The following BMP7 variants were observed in gnomAD, a reference collection of about 807,000 sequenced individuals.
BMP7 encodes the protein osteogenic protein 1.
Under a neutral mutation model 41.2 loss-of-function variants are expected in BMP7, and 12 were observed. The ratio of observed to expected loss-of-function variants is 0.29; its 90% CI spans 0.19 to 0.47. The LOEUF (loss-of-function observed/expected upper bound fraction) is 0.47, where lower values mean the gene tolerates loss of function less well. BMP7 is among the 20% of genes least tolerant of loss of function. The probability of loss-of-function intolerance (pLI) is 0.99; values close to 1 mark genes in which losing one functional copy is unlikely to be tolerated. For synonymous variants in BMP7, 248 were observed against 250.0 expected (o/e 0.99, Z 0.07); for missense variants, 467 against 606.0 (o/e 0.77, Z 2.41).
intron 4 of BMP7, among the ~76,000 whole-genome samples, chr20:57,182,272 C>T (rs976206173): frequency 5.9e-5 from 9 of 152,182 alleles, no homozygotes; most frequent in South Asian, 2.1e-4. Context: ...CAGATGCCCA[C>T]AGTGCCAGCA....
In BMP7 at chr20:57,265,748, AT is replaced by A. The variant is rs1339233677; in HGVS notation, c.374del (p.His125LeufsTer10). 6.2e-7 allele frequency: 1 copy of A among 1,610,752 alleles called. No individual in the cohort carries two copies. The highest frequency in any genetic ancestry group is 2.2e-5 in the East Asian group (1 of 44,764). On this transcript the variant is annotated frameshift_variant, in exon 1 of 7. Coordinates refer to ENST00000395863, the MANE Select transcript of BMP7 (RefSeq NM_001719.3). LOFTEE classifies it high-confidence loss of function. ...GPPLASLQDS[H>X]FLTDADMVMS... ...TGACCATGTCGGCGTCGGTGAGGAA[AT>A]GGCTATCTTGCAGGCTGGCCAGAGG...
chr20:57,203,600 A>G (rs1984671521), intron 2 of BMP7, among the ~76,000 whole-genome samples: 2 of 152,194 alleles, frequency 1.3e-5, no homozygotes, highest in African/African-American at 4.8e-5. Flanking sequence ...AGGGTAAATA[A>G]GTGGATTGTT....
intron 4 of BMP7, among the ~76,000 whole-genome samples, chr20:57,183,440 G>T (rs552340780): frequency 1.3e-5 from 2 of 152,126 alleles, no homozygotes; most frequent in East Asian, 3.9e-4. Context: ...CTTCATCTCT[G>T]TGTAGCTGCA....
At chr20:57,204,832 T>A (rs1428682914) in intron 2 of BMP7, among the ~76,000 whole-genome samples, 2 of 152,230 alleles carry the variant, frequency 1.3e-5, no homozygotes, top group Admixed American at 6.5e-5. Context: ...AATGCTTAAT[T>A]CTGTTATTGC....
chr20:57,173,081 G>A (rs1983846183), intron 6 of BMP7, 119 bp downstream of exon 6: 1 of 1,108,878 alleles, frequency 9.0e-7, no homozygotes, highest in Non-Finnish European at 1.4e-6. Flanking sequence ...GCCCCCAAAA[G>A]TCATGACATG....
chr20:57,245,912 A>G (rs1340840507), intron 1 of BMP7, among the ~76,000 whole-genome samples: 2 of 152,226 alleles, frequency 1.3e-5, no homozygotes, highest in African/African-American at 4.8e-5. Flanking sequence ...TGCTGGGATT[A>G]CAGGCGTCAG....
In BMP7 at chr20:57,261,858, C is replaced by A. The variant is rs1235093219; in HGVS notation, c.418+3847G>T. On this transcript the variant is annotated intron_variant, in intron 1 of 6. Coordinates refer to ENST00000395863, the MANE Select transcript of BMP7 (RefSeq NM_001719.3). This position sits in a 1 kb window ranked among gnomAD's most constrained non-coding sequence, Gnocchi z 4.1. ...TTTCTAATACTCTACAGTGGTAGGG[C>A]CTGCTCTTGACGGGCAGTGGGAGAG... is the stretch of plus-strand genomic sequence containing the variant. Among the ~76,000 whole-genome samples, 2 of 152,210 alleles carry A rather than the reference C, an allele frequency of 1.3e-5. No individual in the cohort carries two copies. The highest frequency in any genetic ancestry group is 6.5e-5 in the Admixed American group (1 of 15,278).
intron 2 of BMP7, chr20:57,226,074 G>A (rs908969758): frequency 9.7e-6 from 4 of 413,728 alleles, no homozygotes; most frequent in Admixed American, 2.5e-5. Context: ...CTGGCAGGGA[G>A]GACGCCTGGA....
intron 1 of BMP7, among the ~76,000 whole-genome samples, chr20:57,241,700 C>A (rs545788070): frequency 6.6e-6 from 1 of 152,212 alleles, no homozygotes; most frequent in Admixed American, 6.5e-5. Context: ...CAGGCATCTC[C>A]TTGGCCATCC....
At position 57,171,121 on chromosome 20, in the gene BMP7, C is replaced by G. The variant is rs1449711725; in HGVS notation, c.1147-13G>C. On this transcript the variant is annotated splice_polypyrimidine_tract_variant and intron_variant, in intron 6 of 6. Transcript: ENST00000395863. The surrounding 1 kb of genome is among the most constrained non-coding windows in gnomAD (Gnocchi z 4.5). ...TGATGAAGTGGACCTGAAACACACA[C>G]CAAAACATGGGCAGTGGTGAGAAGC... is the stretch of plus-strand genomic sequence containing the variant. The G allele has an allele frequency of 4.3e-6, 7 of 1,614,156 alleles. No individual in the cohort carries two copies. Among genetic ancestry groups the G allele is most frequent in the Non-Finnish European group, 5.9e-6 (7 of 1,180,010 alleles).
intron 2 of BMP7, among the ~76,000 whole-genome samples, chr20:57,223,034 G>C (rs1985226155): frequency 6.6e-6 from 1 of 151,908 alleles, no homozygotes; most frequent in Non-Finnish European, 1.5e-5. Context: ...ATGTGTCACA[G>C]AAGGCCAATA....
intron 1 of BMP7, 78 bp downstream of exon 1, chr20:57,265,627 T>C (rs1209803516): frequency 6.5e-6 from 10 of 1,539,210 alleles, no homozygotes; most frequent in Non-Finnish European, 8.8e-6. Flanking sequence ...GCGGGCTGCA[T>C]AGAAGAAGCG....
chr20:57,183,039 G>A (rs1358564607), intron 4 of BMP7, among the ~76,000 whole-genome samples: 5 of 152,032 alleles, frequency 3.3e-5, no homozygotes, highest in East Asian at 3.9e-4. Context: ...GTTTGAGACC[G>A]GCCTGACCGA....
chr20:57,193,012 G>A (rs1486149002), intron 3 of BMP7, among the ~76,000 whole-genome samples: 1 of 152,166 alleles, frequency 6.6e-6, no homozygotes, highest in African/African-American at 2.4e-5. Flanking sequence ...CTACCTGACA[G>A]GCAGGTAGAG....
chr20:57,209,247 TTTTATATATATATATATATATATA>T (rs1207922909), intron 2 of BMP7, among the ~76,000 whole-genome samples: 9 of 69,876 alleles, frequency 1.3e-4, no homozygotes, highest in Non-Finnish European at 1.7e-4. Context: ...ATTTATATAT[TTTTATATATATATATATATATATA>T]TATATATATA....
rs181007488 is a variant in BMP7 at position 57,256,843 on chromosome 20, G to A, written c.418+8862C>T. Among the ~76,000 whole-genome samples the A allele has an allele frequency of 4.0e-5, 6 of 151,892 alleles. No homozygotes were observed. The East Asian group carries it at 5.8e-4, about 15-fold the overall frequency. Reference sequence around the variant, plus strand: ...GCGGAGGTTGCAGTGAGCCAAGATCGCGCCACTGCACTCCAGCCTGGGCAA... The same window carrying A: ...GCGGAGGTTGCAGTGAGCCAAGATCACGCCACTGCACTCCAGCCTGGGCAA... On this transcript the variant is annotated intron_variant, in intron 1 of 6. Coordinates refer to ENST00000395863, the MANE Select transcript of BMP7 (RefSeq NM_001719.3).
At chr20:57,195,835 C>A (rs895546993) in intron 3 of BMP7, among the ~76,000 whole-genome samples, 2 of 152,204 alleles carry the variant, frequency 1.3e-5, no homozygotes, top group Non-Finnish European at 2.9e-5. Flanking sequence ...GGGCTCTCTG[C>A]ATGCAGATAG....
intron 1 of BMP7, among the ~76,000 whole-genome samples, chr20:57,229,463 C>G (rs1361333559): frequency 6.6e-6 from 1 of 152,146 alleles, no homozygotes; most frequent in East Asian, 1.9e-4. Flanking sequence ...TGATAAGCAC[C>G]AAGATGAAAG....
rs867303177 is a variant in BMP7 at position 57,207,818 on chromosome 20, T to G, written c.612-5195A>C. Among the ~76,000 whole-genome samples the G allele has an allele frequency of 8.7e-3, 359 of 41,324 alleles. 15 individuals are homozygous for G. Among genetic ancestry groups the G allele is most frequent in the South Asian group, 0.025 (20 of 812 alleles). 27.1% of individuals were successfully genotyped at this position (41,324 alleles called of 152,430 possible). ...ATCCCCATACCCCAGTTGGTTTTTT[T>G]TTTTTTTTTTTTTTTTTTTTTTGAG... On this transcript the variant is annotated intron_variant, in intron 2 of 6. Coordinates refer to ENST00000395863, the MANE Select transcript of BMP7 (RefSeq NM_001719.3).
Sources: allele counts gnomAD v4.1 joint callset (sites outside exome capture counted in the v4.1 genomes callset), GRCh38; gene constraint gnomAD v4.1.1; non-coding constraint Gnocchi (gnomAD v3.1); transcripts MANE v1.5; gene names NCBI Gene and HGNC (gene_info 2026-07-23, HGNC 2026-07-21).